CADPS: variants seen among roughly 807,000 people sequenced by gnomAD.
CADPS encodes calcium-dependent secretion activator 1.
In CADPS, 57 loss-of-function variants were observed where a neutral mutation model predicts 167.3. That is an observed-to-expected ratio of 0.34 (90% CI 0.28 to 0.42). The LOEUF (loss-of-function observed/expected upper bound fraction) is 0.42. CADPS is among the 20% of genes least tolerant of loss of function. The pLI is 1.00. For missense variants in CADPS, 1,414 were observed against 1,738.1 expected, an observed-to-expected ratio of 0.81 and a Z score of 3.32; for synonymous variants, 676 against 635.3, an observed-to-expected ratio of 1.06 and a Z score of -0.96.
chr3:62,866,585 G>A (rs2081733181), intron 1 of CADPS, among the ~76,000 whole-genome samples: 1 of 152,010 alleles, frequency 6.6e-6, no homozygotes, highest in South Asian at 2.1e-4. Context: ...GTTTCCTAAA[G>A]GAGATAACAC....
chr3:62,872,496 G>C (rs554701166), intron 1 of CADPS, among the ~76,000 whole-genome samples: 1 of 152,294 alleles, frequency 6.6e-6, no homozygotes, highest in Admixed American at 6.5e-5. Context: ...TTTAGCAACA[G>C]TTTGCTGTGA....
intron 1 of CADPS, among the ~76,000 whole-genome samples, chr3:62,794,792 A>AG (rs1553689690): frequency 6.8e-6 from 1 of 147,452 alleles, no homozygotes. Flanking sequence ...AAAAAAAAAA[A>AG]AAAAAAAAAA....
intron 1 of CADPS, among the ~76,000 whole-genome samples, chr3:62,786,405 G>T (rs2092434122): frequency 6.6e-6 from 1 of 152,096 alleles, no homozygotes; most frequent in African/African-American, 2.4e-5. Flanking sequence ...ATTTTGGGAG[G>T]CTGAGGCAGG....
intron 2 of CADPS, among the ~76,000 whole-genome samples, chr3:62,759,337 T>C (rs1177875933): frequency 1.3e-5 from 2 of 152,204 alleles, no homozygotes; most frequent in East Asian, 3.9e-4. Flanking sequence ...GCTAAGAATG[T>C]AATACAAGTT....
chr3:62,727,783 T>A (rs1023066345), intron 3 of CADPS, among the ~76,000 whole-genome samples: 2 of 151,820 alleles, frequency 1.3e-5, no homozygotes, highest in African/African-American at 4.9e-5. Flanking sequence ...CTGATGGGAA[T>A]TGGATAAAGG....
intron 1 of CADPS, among the ~76,000 whole-genome samples, chr3:62,768,002 A>T (rs1473216053): frequency 1.3e-5 from 2 of 152,192 alleles, no homozygotes; most frequent in East Asian, 3.9e-4. Context: ...TTCAACAGCC[A>T]CATGTGGCTA....
chr3:62,471,257 C>CACA (rs1195393273), intron 24 of CADPS, among the ~76,000 whole-genome samples: 2 of 152,144 alleles, frequency 1.3e-5, no homozygotes, highest in Admixed American at 6.5e-5. Context: ...GGTCATTCTA[C>CACA]CTTGGCCCAG....
intron 1 of CADPS, among the ~76,000 whole-genome samples, chr3:62,801,750 G>A (rs144046029): frequency 3.0e-4 from 45 of 151,862 alleles, no homozygotes; most frequent in African/African-American, 8.9e-4. Context: ...CCCGTTTTAC[G>A]GATTAAAAAA....
At chr3:62,658,851 G>A (rs2072414990) in intron 4 of CADPS, among the ~76,000 whole-genome samples, 1 of 152,132 alleles carries the variant, frequency 6.6e-6, no homozygotes, top group African/African-American at 2.4e-5. Flanking sequence ...TGAGAGTTCT[G>A]ATTCTTAGCA....
At chr3:62,710,947 C>A (rs2083284492) in intron 3 of CADPS, among the ~76,000 whole-genome samples, 1 of 152,138 alleles carries the variant, frequency 6.6e-6, no homozygotes, top group South Asian at 2.1e-4. Flanking sequence ...TCAGGATCCC[C>A]CAGTGAATTG....
intron 9 of CADPS, 104 bp from the exon 10 acceptor site, chr3:62,557,617 G>T: frequency 1.1e-6 from 1 of 883,142 alleles, no homozygotes; most frequent in Non-Finnish European, 1.9e-6. Flanking sequence ...GAGTGGCTGG[G>T]TTCAAACTGA....
At chr3:62,444,477 A>G (rs751914774) in intron 27 of CADPS, among the ~76,000 whole-genome samples, 4 of 152,210 alleles carry the variant, frequency 2.6e-5, no homozygotes, top group Admixed American at 6.5e-5. Context: ...GGGCCAGAAA[A>G]TTTGAGTAGT....
chr3:62,437,215 T>C (rs751020502), intron 28 of CADPS, among the ~76,000 whole-genome samples: 3 of 151,966 alleles, frequency 2.0e-5, no homozygotes, highest in Admixed American at 6.6e-5. Flanking sequence ...TCAGCTTCCA[T>C]GCACTCTGGC....
At chr3:62,778,986 G>A (rs1432502118) in intron 1 of CADPS, among the ~76,000 whole-genome samples, 1 of 151,758 alleles carries the variant, frequency 6.6e-6, no homozygotes, top group Non-Finnish European at 1.5e-5. Flanking sequence ...CACCTGCCGG[G>A]TTCAAGCAAT....
At chr3:62,609,705 T>A (rs1440926431) in intron 6 of CADPS, among the ~76,000 whole-genome samples, 2 of 152,174 alleles carry the variant, frequency 1.3e-5, no homozygotes, top group African/African-American at 4.8e-5. Context: ...CATTAACACA[T>A]GAACACATGG....
chr3:62,553,307 T>C (rs1393981467), intron 10 of CADPS, among the ~76,000 whole-genome samples: 1 of 152,178 alleles, frequency 6.6e-6, no homozygotes, highest in Non-Finnish European at 1.5e-5. Flanking sequence ...GAGGTAGAGA[T>C]GGAAAGACAC....
chr3:62,844,952 G>T lies in CADPS; in HGVS notation c.441+29637C>A, dbSNP rs150875096. On this transcript the variant is annotated intron_variant, in intron 1 of 29. Coordinates refer to ENST00000383710, the MANE Select transcript of CADPS (RefSeq NM_003716.4). Reference sequence around the variant, plus strand: ...ACAGGGTCTTCAAGAAGGCAGAAAGGTTTGGAAAGCAGCCAGGAACCAAAG... The same window carrying T: ...ACAGGGTCTTCAAGAAGGCAGAAAGTTTTGGAAAGCAGCCAGGAACCAAAG... 7.3e-4 allele frequency among the ~76,000 whole-genome samples: 111 copies of T among 152,288 alleles called. 1 individual carries two copies. The highest frequency in any genetic ancestry group is 2.6e-3 in the African/African-American group (107 of 41,560).
At chr3:62,746,395 G>A (rs971821932) in intron 3 of CADPS, among the ~76,000 whole-genome samples, 2 of 152,164 alleles carry the variant, frequency 1.3e-5, no homozygotes, top group African/African-American at 4.8e-5. Context: ...GCAGTGGTGG[G>A]TGTTTTCATG....
Position 62,438,384 on chromosome 3 carries a change from G to T in CADPS, c.3670-173C>A. Reference sequence around the variant, plus strand: ...CCTGGGCTGGTAGGAATTGATATTAGAACTGCTTCCTCTTTCCAGAAATCA... The same window carrying T: ...CCTGGGCTGGTAGGAATTGATATTATAACTGCTTCCTCTTTCCAGAAATCA... On this transcript the variant is annotated intron_variant, in intron 27 of 29. Coordinates refer to ENST00000383710, the MANE Select transcript of CADPS (RefSeq NM_003716.4). This position sits in a 1 kb window ranked among gnomAD's most constrained non-coding sequence, Gnocchi z 4.7. 1 of 552,828 alleles carries T rather than the reference G, an allele frequency of 1.8e-6. No homozygotes were observed. The highest frequency in any genetic ancestry group is 3.2e-6 in the Non-Finnish European group (1 of 307,812). The allele number at this position is 552,828 out of a possible 1,614,324, so 34.2% of individuals were successfully genotyped here.
Sources: gnomAD v4.1 joint callset for allele counts (sites outside exome capture counted in the v4.1 genomes callset) on GRCh38, gnomAD v4.1.1 for gene constraint, Gnocchi (gnomAD v3.1) non-coding constraint, MANE v1.5 for transcripts, NCBI Gene and HGNC (gene_info 2026-07-23, HGNC 2026-07-21) for gene names.